The following DNAH7 variants were observed in gnomAD, a reference collection of about 807,000 sequenced individuals.
DNAH7 encodes the protein dynein axonemal heavy chain 7, also known as axonemal beta dynein heavy chain 7.
A neutral mutation model predicts 444.6 loss-of-function variants in DNAH7; 397 were observed. The ratio of observed to expected loss-of-function variants is 0.89; its 90% CI spans 0.82 to 0.97. The LOEUF (loss-of-function observed/expected upper bound fraction) is 0.97, where lower values mean the gene tolerates loss of function less well. Ranked by LOEUF, DNAH7 falls within the 50% of genes least tolerant of loss-of-function variation. DNAH7 has a pLI of 0.00. For missense variants in DNAH7, 4,902 were observed against 4,800.8 expected (o/e 1.02, Z -0.62); for synonymous variants, 1,636 against 1,624.4 (o/e 1.01, Z -0.17).
chr2:195,941,135 A>C (rs1016638174), intron 19 of DNAH7, among the ~76,000 whole-genome samples: 1 of 152,184 alleles, frequency 6.6e-6, no homozygotes, highest in Non-Finnish European at 1.5e-5. Flanking sequence ...ATGCCCATCA[A>C]TGATAGACTG....
chr2:195,824,117 T>A (rs2124914561), intron 49 of DNAH7, 138 bp downstream of exon 49: 1 of 687,690 alleles, frequency 1.5e-6, no homozygotes, highest in Admixed American at 3.4e-5. Flanking sequence ...GAAATTATTA[T>A]AGCAATAATT....
intron 12 of DNAH7, among the ~76,000 whole-genome samples, chr2:195,989,627 CATGTT>C (rs778287751): frequency 2.0e-5 from 3 of 152,174 alleles, no homozygotes; most frequent in Non-Finnish European, 4.4e-5. Context: ...TGCCAAATCT[CATGTT>C]GAATTGTAAT....
intron 57 of DNAH7, among the ~76,000 whole-genome samples, chr2:195,788,856 T>C (rs1344363307): frequency 1.3e-5 from 2 of 152,238 alleles, no homozygotes; most frequent in African/African-American, 4.8e-5. Flanking sequence ...CTTGTCTGCA[T>C]GTATGTGTAT....
chr2:195,873,506 G>C lies in DNAH7; in HGVS notation c.6413+62C>G, dbSNP rs1700839939. 2.9e-6 allele frequency: 3 copies of C among 1,020,352 alleles called. No individual in the cohort carries two copies. In the East Asian group the frequency reaches 8.9e-5, roughly 30 times the overall value. The allele number at this position is 1,020,352 out of a possible 1,614,324, so 63.2% of individuals were successfully genotyped here. A position where few individuals can be genotyped will look rare whatever the true frequency, so the allele number is the denominator to read the frequency against. ...TCTTTGAAATACGCTACTTAATATT[G>C]ATATGTTTCTAAAATATTTTATACC... On this transcript the variant is annotated intron_variant, in intron 39 of 64. Coordinates refer to ENST00000312428, the MANE Select transcript of DNAH7 (RefSeq NM_018897.3).
rs1158369049 is a variant in DNAH7, at chr2:195,754,493, G to T, written c.11608C>A (p.Pro3870Thr). The T allele has an allele frequency of 1.4e-5, 23 of 1,613,926 alleles. No individual in the cohort carries two copies. The highest frequency in any genetic ancestry group is 1.9e-5 in the Non-Finnish European group (23 of 1,179,942). The change falls in exon 63 of 65, where the codon CCT becomes ACT. Residue 3870 changes from proline (P) to threonine (T), a missense_variant. Transcript: ENST00000312428. ...FLQQWYEVGP[P>T]PVFWLSGFFF... ...AAGCCAGAAAGCCAGAAGACTGGAG[G>T]AGGACCAACCTCATACCATTGCTAG...
rs771230588 is a variant in DNAH7 at position 195,910,014 on chromosome 2, A to G, written c.4104+13T>C. 132 of 1,607,892 alleles carry G rather than the reference A, an allele frequency of 8.2e-5. No individual in the cohort carries two copies. Among genetic ancestry groups the G allele is most frequent in the Non-Finnish European group, 1.1e-4 (130 of 1,176,448 alleles). ...GTTATCCTGTTGTAAAGAAATGAGG[A>G]GTTAATTCAAACCTTAAAGAATTTT... is the stretch of plus-strand genomic sequence containing the variant. On this transcript the variant is annotated intron_variant, in intron 25 of 64. Coordinates refer to ENST00000312428, the MANE Select transcript of DNAH7 (RefSeq NM_018897.3).
At chr2:195,827,238 T>C (rs951731381) in intron 48 of DNAH7, among the ~76,000 whole-genome samples, 3 of 152,206 alleles carry the variant, frequency 2.0e-5, no homozygotes, top group African/African-American at 7.2e-5. Flanking sequence ...AACATTGTTT[T>C]AGCAAATATT....
chr2:195,915,022 T>C (rs1304345168), intron 24 of DNAH7, among the ~76,000 whole-genome samples: 1 of 152,204 alleles, frequency 6.6e-6, no homozygotes, highest in East Asian at 1.9e-4. Flanking sequence ...TGCTTTTCAG[T>C]TTGTGGATAT....
chr2:195,969,160 T>C (rs1691676805), intron 17 of DNAH7, among the ~76,000 whole-genome samples: 1 of 152,264 alleles, frequency 6.6e-6, no homozygotes, highest in African/African-American at 2.4e-5. Context: ...TAAAACTTGG[T>C]TTCCTGTGGG....
chr2:195,934,613 A>ACT lies in DNAH7; in HGVS notation c.3447_3448dup (p.Val1150GlufsTer3). ...TACCTTGTGGATGGAGTTAATCATAACTCTCTCTAATTCAACCAACCACTT... is the reference window on the plus strand; with the variant it reads ...TACCTTGTGGATGGAGTTAATCATAACTCTCTCTCTAATTCAACCAACCACTT... On this transcript the variant is annotated frameshift_variant, in exon 21 of 65. Coordinates refer to ENST00000312428, the MANE Select transcript of DNAH7 (RefSeq NM_018897.3). LOFTEE classifies it high-confidence loss of function. The ACT allele has an allele frequency of 6.2e-7, 1 of 1,613,996 alleles. No individual in the cohort carries two copies. Among genetic ancestry groups the ACT allele is most frequent in the Non-Finnish European group, 8.5e-7 (1 of 1,179,958 alleles).
intron 25 of DNAH7, among the ~76,000 whole-genome samples, chr2:195,908,498 T>A (rs964198236): frequency 6.6e-6 from 1 of 152,162 alleles, no homozygotes; most frequent in African/African-American, 2.4e-5. Flanking sequence ...ACAGATTTCT[T>A]AGCGCCCACT....
chr2:195,974,887 G>A (rs1180382142), intron 15 of DNAH7, among the ~76,000 whole-genome samples: 2 of 151,718 alleles, frequency 1.3e-5, no homozygotes, highest in African/African-American at 4.8e-5. Flanking sequence ...TGGTTCTAAT[G>A]ATTTTAACAA....
At chr2:195,901,337 CAAAT>C (rs1024468454) in intron 27 of DNAH7, 3 of 151,638 alleles carry the variant, frequency 2.0e-5, no homozygotes, top group Non-Finnish European at 1.5e-5. Flanking sequence ...AAAAAGTAAA[CAAAT>C]AAACAGACAA....
intron 48 of DNAH7, among the ~76,000 whole-genome samples, chr2:195,825,490 C>CT (rs1475431631): frequency 6.6e-6 from 1 of 152,064 alleles, no homozygotes; most frequent in Non-Finnish European, 1.5e-5. Flanking sequence ...AATAGTGTAT[C>CT]ATATTAGTGT....
rs751253731 is a variant in DNAH7, at chr2:195,957,214, T to C, written c.3078+47A>G. The C allele has an allele frequency of 2.8e-6, 4 of 1,405,224 alleles. No homozygotes were observed. The South Asian group carries it at 5.3e-5, about 19-fold the overall frequency. 87.0% of individuals were successfully genotyped at this position (1,405,224 alleles called of 1,614,324 possible). ...TATGGATTTCTGAAAACAAAAATCA[T>C]GTCACTTCAACCAAATAATGACATT... On this transcript the variant is annotated intron_variant, in intron 19 of 64. Transcript: ENST00000312428.
At chr2:195,757,016 T>TG (rs1694106285) in intron 61 of DNAH7, among the ~76,000 whole-genome samples, 1 of 149,326 alleles carries the variant, frequency 6.7e-6, no homozygotes, top group Admixed American at 6.7e-5. Flanking sequence ...GTTGTAGAGA[T>TG]GGGGTCTTAC....
At chr2:195,954,297 A>G (rs951715743) in intron 19 of DNAH7, among the ~76,000 whole-genome samples, 1 of 152,026 alleles carries the variant, frequency 6.6e-6, no homozygotes, top group African/African-American at 2.4e-5. Flanking sequence ...CTGTCCTTGC[A>G]ATAGTTTGCT....
intron 24 of DNAH7, among the ~76,000 whole-genome samples, chr2:195,920,993 T>C (rs1454270676): frequency 6.6e-6 from 1 of 152,042 alleles, no homozygotes; most frequent in East Asian, 1.9e-4. Flanking sequence ...ATCAGGGAAA[T>C]GCAAATCAAA....
chr2:196,048,343 T>C lies in DNAH7; in HGVS notation c.203A>G (p.Asp68Gly). 13 of 1,614,086 alleles carry C rather than the reference T, an allele frequency of 8.1e-6. No homozygotes were observed. The highest frequency in any genetic ancestry group is 2.2e-5 in the South Asian group (2 of 91,072). The change falls in exon 4 of 65, where the codon GAT becomes GGT. Residue 68 changes from aspartate (D) to glycine (G), a missense_variant. Physicochemically the swap from Asp to Gly is moderately conservative, Grantham distance 94. Coordinates refer to ENST00000312428, the MANE Select transcript of DNAH7 (RefSeq NM_018897.3). Reference sequence around the variant, plus strand: ...ACTAAATGGTTCTGGACTCTCATCATCCTGCTTTACACTCAAATGGAATGA... The same window carrying C: ...ACTAAATGGTTCTGGACTCTCATCACCCTGCTTTACACTCAAATGGAATGA... Reference protein sequence around the residue: ...APSFHLSVKQDDESPEPFSVK... With the variant: ...APSFHLSVKQGDESPEPFSVK...
Sources: gnomAD v4.1 joint callset for allele counts (sites outside exome capture counted in the v4.1 genomes callset) on GRCh38, gnomAD v4.1.1 for gene constraint, MANE v1.5 for transcripts, NCBI Gene and HGNC (gene_info 2026-07-23, HGNC 2026-07-21) for gene names.